USP24: variants seen among roughly 807,000 people sequenced by gnomAD.
USP24 encodes the protein ubiquitin specific peptidase 24, also known as ubiquitin carboxyl-terminal hydrolase 24.
A neutral mutation model predicts 361.6 loss-of-function variants in USP24; 97 were observed. The observed-to-expected ratio is 0.27, with a 90% CI of 0.23 to 0.32. The LOEUF (loss-of-function observed/expected upper bound fraction) is 0.32. Among genes scored for constraint, USP24 ranks in the 10% least tolerant of loss-of-function variants. USP24 has a pLI of 1.00. For missense variants in USP24, 2,353 were observed against 3,165.6 expected (o/e 0.74, Z 6.16); for synonymous variants, 1,098 against 1,124.6 (o/e 0.98, Z 0.47).
intron 23 of USP24, 82 bp from the exon 24 acceptor site, chr1:55,141,813 T>C (rs1646897100): frequency 7.7e-7 from 1 of 1,296,956 alleles, no homozygotes; most frequent in Non-Finnish European, 1.1e-6. Context: ...TAATTTGCTG[T>C]TGCAGAGGGC....
chr1:55,097,677 C>A lies in USP24; in HGVS notation c.5636G>T (p.Ser1879Ile). 6.3e-7 allele frequency: 1 copy of A among 1,586,286 alleles called. No homozygotes were observed. The highest frequency in any genetic ancestry group is 1.8e-5 in the Admixed American group (1 of 56,188). Reference protein sequence around the residue: ...VKRTCIKSLPSVLVIHLMRFG... With the variant: ...VKRTCIKSLPIVLVIHLMRFG... ...TCTCATTAGGTGAATTACCAAGACG[C>A]TAGGTAAAGATTTAATACAGGTCCT... The change falls in exon 48 of 68, where the codon AGC becomes ATC. Residue 1879 changes from serine to isoleucine, a missense_variant. Transcript: ENST00000294383.
chr1:55,132,412 T>C (rs1646619079), intron 31 of USP24, 133 bp downstream of exon 31: 1 of 1,142,926 alleles, frequency 8.7e-7, no homozygotes, highest in Non-Finnish European at 1.2e-6. Flanking sequence ...TTATAATCTA[T>C]TTCTTAAAAC....
At chr1:55,109,860 A>C (rs1285154042) in intron 39 of USP24, among the ~76,000 whole-genome samples, 1 of 152,170 alleles carries the variant, frequency 6.6e-6, no homozygotes, top group Non-Finnish European at 1.5e-5. Flanking sequence ...TTCCTTCAAC[A>C]ATCAACCTTT....
intron 5 of USP24, among the ~76,000 whole-genome samples, chr1:55,170,618 A>G (rs1649344396): frequency 6.6e-6 from 1 of 152,154 alleles, no homozygotes; most frequent in African/African-American, 2.4e-5. Flanking sequence ...ACCCAACTCA[A>G]AGAGCCATTG....
At chr1:55,143,623 T>C (rs894628588) in intron 21 of USP24, among the ~76,000 whole-genome samples, 1 of 151,204 alleles carries the variant, frequency 6.6e-6, no homozygotes, top group African/African-American at 2.4e-5. Flanking sequence ...GGAAAAAGAG[T>C]TAATAAGCCT....
At position 55,147,744 on chromosome 1, in the gene USP24, T is replaced by C; in HGVS notation, c.2023A>G (p.Ser675Gly). The C allele has an allele frequency of 6.2e-7, 1 of 1,612,900 alleles. No individual in the cohort carries two copies. Among genetic ancestry groups the C allele is most frequent in the Non-Finnish European group, 8.5e-7 (1 of 1,179,364 alleles). Residue 675 changes from serine (S) to glycine (G), a missense_variant, in exon 18 of 68, where the codon AGT becomes GGT. Ser to Gly is a moderately conservative substitution (Grantham distance 56). Transcript: ENST00000294383. The stretch of plus-strand genomic sequence containing the variant: ...GCAAGCCGATGACAAGCGATCAAAC[T>C]TCCCGTTACCAATTTCACTATTTCA... ...NFEIVKLVTGSLIACHRLAAA... is the reference protein window; with the variant it reads ...NFEIVKLVTGGLIACHRLAAA...
At chr1:55,083,673 A>G in intron 57 of USP24, 99 bp downstream of exon 57, 1 of 905,084 alleles carries the variant, frequency 1.1e-6, no homozygotes, top group South Asian at 1.8e-5. Flanking sequence ...GAAACATCAT[A>G]AAAAACATAC....
intron 42 of USP24, among the ~76,000 whole-genome samples, chr1:55,103,152 G>A (rs1210746454): frequency 6.6e-6 from 1 of 152,174 alleles, no homozygotes; most frequent in Non-Finnish European, 1.5e-5. Flanking sequence ...CATACACTAA[G>A]CTATTTCATG....
At chr1:55,177,016 G>C (rs560685386) in intron 2 of USP24, among the ~76,000 whole-genome samples, 1 of 151,954 alleles carries the variant, frequency 6.6e-6, no homozygotes, top group East Asian at 1.9e-4. Flanking sequence ...ACTTAAGCCT[G>C]GGAGGTTGAG....
chr1:55,099,292 C>T (rs1645571526), intron 45 of USP24, among the ~76,000 whole-genome samples: 1 of 152,182 alleles, frequency 6.6e-6, no homozygotes, highest in Admixed American at 6.5e-5. Flanking sequence ...CATGGTACCT[C>T]AAGCCTGTAA....
At chr1:55,098,385 G>A (rs1645545641) in intron 46 of USP24, 91 bp downstream of exon 46, 1 of 1,165,130 alleles carries the variant, frequency 8.6e-7, no homozygotes, top group Admixed American at 2.3e-5. Flanking sequence ...AGAGTTCTAA[G>A]TCTCTTAACA....
intron 9 of USP24, 125 bp downstream of exon 9, chr1:55,159,486 T>C: frequency 1.3e-6 from 1 of 779,122 alleles, no homozygotes; most frequent in Non-Finnish European, 2.0e-6. Context: ...AAATGTAAAG[T>C]TAATTCGATG....
At chr1:55,170,329 G>A (rs142796919) in intron 5 of USP24, among the ~76,000 whole-genome samples, 145 of 152,144 alleles carry the variant, frequency 9.5e-4, no homozygotes, top group South Asian at 6.9e-3. Flanking sequence ...GGGTCTCAGT[G>A]GATGCATACG....
chr1:55,167,880 A>T (rs1649045964), intron 5 of USP24, among the ~76,000 whole-genome samples: 2 of 152,328 alleles, frequency 1.3e-5, no homozygotes, highest in South Asian at 2.1e-4. Flanking sequence ...ATTCCATTTC[A>T]GACACACTAA....
At chr1:55,098,964 G>A (rs1228530490) in intron 45 of USP24, among the ~76,000 whole-genome samples, 3 of 152,190 alleles carry the variant, frequency 2.0e-5, no homozygotes, top group Non-Finnish European at 2.9e-5. Flanking sequence ...CAGTGACAGC[G>A]GGATCTGAGA....
intron 1 of USP24, among the ~76,000 whole-genome samples, chr1:55,178,654 C>T (rs982656666): frequency 3.3e-5 from 5 of 149,314 alleles, no homozygotes; most frequent in African/African-American, 1.2e-4. Flanking sequence ...CCAGCCTGGG[C>T]AACAGAGTGA....
intron 38 of USP24, among the ~76,000 whole-genome samples, chr1:55,110,599 T>G (rs376722826): frequency 2.0e-5 from 3 of 152,174 alleles, no homozygotes; most frequent in African/African-American, 7.2e-5. Flanking sequence ...TTTGGGAGAT[T>G]AGTGAACTTA....
At chr1:55,145,794 A>G (rs2100706528) in intron 20 of USP24, among the ~76,000 whole-genome samples, 1 of 152,342 alleles carries the variant, frequency 6.6e-6, no homozygotes, top group East Asian at 1.9e-4. Flanking sequence ...CTAGCAGGCC[A>G]TATGATTTAA....
At chr1:55,135,549 G>C (rs1472293949) in intron 28 of USP24, among the ~76,000 whole-genome samples, 1 of 152,158 alleles carries the variant, frequency 6.6e-6, no homozygotes, top group South Asian at 2.1e-4. Context: ...TGAATTTAGT[G>C]TTTGGATTTG....
Sources: allele counts gnomAD v4.1 joint callset (sites outside exome capture counted in the v4.1 genomes callset), GRCh38; gene constraint gnomAD v4.1.1; transcripts MANE v1.5; gene names NCBI Gene and HGNC (gene_info 2026-07-23, HGNC 2026-07-21).